The following DPP3 variants were observed in gnomAD, a reference collection of about 807,000 sequenced individuals.
DPP3 encodes DPP III.
In DPP3, 64 loss-of-function variants were observed where a neutral mutation model predicts 89.8. The ratio of observed to expected loss-of-function variants is 0.71; its 90% CI spans 0.58 to 0.88. DPP3 has a LOEUF of 0.88. Ranked by LOEUF, DPP3 falls within the 40% of genes least tolerant of loss-of-function variation. DPP3 has a pLI of 0.00. For synonymous variants in DPP3, 377 were observed against 404.3 expected (o/e 0.93, Z 0.81); for missense variants, 835 against 972.5 (o/e 0.86, Z 1.88).
At chr11:66,495,533 G>C in intron 14 of DPP3, 44 bp downstream of exon 14, 1 of 1,610,560 alleles carries the variant, frequency 6.2e-7, no homozygotes, top group South Asian at 1.1e-5. Flanking sequence ...CGCTGCAGTG[G>C]CCAGCCCTGG....
chr11:66,496,369 G>A (rs533497173), intron 15 of DPP3, among the ~76,000 whole-genome samples: 15 of 151,518 alleles, frequency 9.9e-5, no homozygotes, highest in Admixed American at 2.0e-4. Context: ...TCAGCCTCCC[G>A]AGTAGCTGGG....
rs751932622 is a variant in DPP3, at chr11:66,491,239, CCTT to C, written c.668-10_668-8del. On this transcript the variant is annotated splice_polypyrimidine_tract_variant and intron_variant, in intron 6 of 17. Transcript: ENST00000531863. Reference sequence around the variant, plus strand: ...CTCCAGCCTTTTCTCTTGAATGACACCTTCTTTCCCCAGAGCCTTCCCTGGACT... The same window carrying C: ...CTCCAGCCTTTTCTCTTGAATGACACCTTTCCCCAGAGCCTTCCCTGGACT... 3 of 1,612,496 alleles carry C rather than the reference CCTT, an allele frequency of 1.9e-6. No homozygotes were observed. In the South Asian group the frequency reaches 3.3e-5, roughly 18 times the overall value.
At chr11:66,481,603 C>G (rs1391983879) in intron 1 of DPP3, among the ~76,000 whole-genome samples, 1 of 152,116 alleles carries the variant, frequency 6.6e-6, no homozygotes, top group African/African-American at 2.4e-5. Flanking sequence ...CTTAGCCTCT[C>G]TGAACCTCAG....
chr11:66,490,654 C>T (rs556500074), intron 6 of DPP3, among the ~76,000 whole-genome samples: 9 of 152,284 alleles, frequency 5.9e-5, no homozygotes, highest in African/African-American at 1.2e-4. Flanking sequence ...TGATAATGTC[C>T]GCCTCCTCCC....
chr11:66,495,683 T>C lies in DPP3; in HGVS notation c.1631T>C (p.Leu544Pro), dbSNP rs374949402. Residue 544 changes from leucine (L) to proline (P), a missense_variant, in exon 15 of 18, where the codon CTC (leucine) becomes CCC (proline). Transcript: ENST00000531863. ...GAGGACGTGATCTACGTGAACTGGC[T>C]CAACATGGTTCGGGCCGGGCTGCTC... ...DAEDVIYVNW[L>P]NMVRAGLLAL... The C allele has an allele frequency of 3.1e-6, 5 of 1,613,894 alleles. No homozygotes were observed. In the African/African-American group the frequency reaches 6.7e-5, roughly 22 times the overall value.
chr11:66,498,160 C>G (rs1855589194), intron 16 of DPP3, among the ~76,000 whole-genome samples: 1 of 151,910 alleles, frequency 6.6e-6, no homozygotes, highest in Non-Finnish European at 1.5e-5. Flanking sequence ...GTGGCGTGAT[C>G]TGTGCTCACT....
At chr11:66,493,501 C>G (rs1241386408) in intron 11 of DPP3, 40 bp from the exon 12 acceptor site, 11 of 1,600,786 alleles carry the variant, frequency 6.9e-6, no homozygotes, top group Non-Finnish European at 9.4e-6. Context: ...ATAGCCAGGG[C>G]TGGCCAGTGG....
At chr11:66,487,880 C>A in intron 5 of DPP3, 34 bp from the exon 6 acceptor site, 1 of 1,604,394 alleles carries the variant, frequency 6.2e-7, no homozygotes, top group Non-Finnish European at 8.5e-7. Flanking sequence ...CCTCTCCAGA[C>A]TTCACTCTTA....
At chr11:66,502,304 G>A (rs1039932523) in intron 16 of DPP3, among the ~76,000 whole-genome samples, 1 of 151,952 alleles carries the variant, frequency 6.6e-6, no homozygotes, top group Middle Eastern at 3.4e-3. Context: ...GGTTGTATGA[G>A]TGTCCGTCTT....
intron 16 of DPP3, among the ~76,000 whole-genome samples, chr11:66,500,826 C>T (rs758055391): frequency 1.3e-5 from 2 of 152,114 alleles, no homozygotes; most frequent in African/African-American, 2.4e-5. Context: ...GAGGCCATGG[C>T]GGGCAGGTCA....
At chr11:66,505,803 A>G (rs1046944484) in intron 17 of DPP3, among the ~76,000 whole-genome samples, 1 of 147,734 alleles carries the variant, frequency 6.8e-6, no homozygotes, top group East Asian at 2.0e-4. Context: ...CAAGACCTCA[A>G]CTCTTTAAAA....
chr11:66,501,166 G>A (rs577296379), intron 16 of DPP3, among the ~76,000 whole-genome samples: 14 of 150,146 alleles, frequency 9.3e-5, no homozygotes, highest in African/African-American at 2.5e-4. Context: ...CGGCCCAAGC[G>A]ACAGAGTGAG....
intron 16 of DPP3, among the ~76,000 whole-genome samples, chr11:66,502,175 C>T (rs577769137): frequency 1.8e-4 from 27 of 152,036 alleles, no homozygotes; most frequent in Admixed American, 6.6e-5. Flanking sequence ...CTGGCAACAG[C>T]GAGACTCCAT....
intron 5 of DPP3, 112 bp from the exon 6 acceptor site, chr11:66,487,802 C>T: frequency 3.1e-6 from 3 of 955,834 alleles, no homozygotes; most frequent in Non-Finnish European, 3.1e-6. Flanking sequence ...CCCAGAAGGC[C>T]CAGCCTGCTT....
intron 1 of DPP3, 30 bp downstream of exon 1, chr11:66,480,495 C>T: frequency 6.8e-7 from 1 of 1,474,008 alleles, no homozygotes; most frequent in Non-Finnish European, 8.9e-7. Flanking sequence ...CTTTTGGGGT[C>T]AAAGCGTGTC....
chr11:66,507,284 G>A (rs187097419), intron 17 of DPP3, among the ~76,000 whole-genome samples: 5 of 151,962 alleles, frequency 3.3e-5, no homozygotes, highest in East Asian at 1.9e-4. Flanking sequence ...TGGCTAACAC[G>A]GTGAAACCCC....
chr11:66,502,833 T>A (rs1349678568), intron 16 of DPP3, among the ~76,000 whole-genome samples: 2 of 152,100 alleles, frequency 1.3e-5, no homozygotes, highest in East Asian at 3.9e-4. Context: ...TCTACTGACC[T>A]CATGATCCGC....
chr11:66,491,443 G>GT, intron 7 of DPP3, 51 bp from the exon 8 acceptor site: 1 of 1,600,672 alleles, frequency 6.2e-7, no homozygotes, highest in South Asian at 1.1e-5. Flanking sequence ...AGCAGAGCGG[G>GT]TGTGGAGGTG....
chr11:66,485,063 C>T, intron 2 of DPP3, 110 bp from the exon 3 acceptor site: 1 of 1,065,290 alleles, frequency 9.4e-7, no homozygotes, highest in Admixed American at 1.9e-5. Context: ...CACACATTTC[C>T]CAGCCTCACC....
Sources: gnomAD v4.1 joint callset for allele counts (sites outside exome capture counted in the v4.1 genomes callset) on GRCh38, gnomAD v4.1.1 for gene constraint, MANE v1.5 for transcripts, NCBI Gene and HGNC (gene_info 2026-07-23, HGNC 2026-07-21) for gene names.